TACC2: variants seen among roughly 807,000 people sequenced by gnomAD.
TACC2 encodes transforming acidic coiled-coil containing protein 2, also known as transforming acidic coiled-coil-containing protein 2.
TACC2 carries 137 observed loss-of-function variants against 227.3 expected under a neutral mutation model. The observed-to-expected ratio is 0.60, with a 90% confidence interval of 0.52 to 0.69. The LOEUF (loss-of-function observed/expected upper bound fraction) is 0.69, where lower values mean the gene tolerates loss of function less well. Ranked by LOEUF, TACC2 falls within the 30% of genes least tolerant of loss-of-function variation. The pLI is 0.00. For missense variants in TACC2, 3,470 were observed against 3,694.4 expected (o/e 0.94, Z 1.57); for synonymous variants, 1,523 against 1,487.5 (o/e 1.02, Z -0.55).
chr10:122,086,978 C>G lies in TACC2; in HGVS notation c.4478C>G (p.Ala1493Gly). 3.1e-6 allele frequency: 5 copies of G among 1,613,966 alleles called. No individual in the cohort carries two copies. The highest frequency in any genetic ancestry group is 4.2e-6 in the Non-Finnish European group (5 of 1,180,044). ...EISHLALQDP[A>G]SDKLLGPAGL... Reference sequence around the variant, plus strand: ...TCCCATCTGGCTCTGCAAGATCCAGCTTCAGACAAGCTTCTGGGTCCAGCA... The same window carrying G: ...TCCCATCTGGCTCTGCAAGATCCAGGTTCAGACAAGCTTCTGGGTCCAGCA... Residue 1493 changes from alanine to glycine, a missense_variant, in exon 4 of 23, where the codon GCT (alanine) becomes GGT (glycine). Coordinates refer to ENST00000369005, the MANE Select transcript of TACC2 (RefSeq NM_206862.4).
rs367601425 is a variant in TACC2 at position 122,132,709 on chromosome 10, G to T, written c.5674G>T (p.Val1892Phe). 33 of 1,614,190 alleles carry T rather than the reference G, an allele frequency of 2.0e-5. No homozygotes were observed. Among genetic ancestry groups the T allele is most frequent in the East Asian group, 8.9e-5 (4 of 44,878 alleles). ...CTACCACGGTGATGTTGTTGGCCAG[G>T]TCTCTACGGATCTGATAGCCCAGAG... ...SSYHGDVVGQVSTDLIAQSIS... is the reference protein window; with the variant it reads ...SSYHGDVVGQFSTDLIAQSIS... Residue 1892 changes from valine (V) to phenylalanine (F), a missense_variant, in exon 6 of 23, where the codon GTC becomes TTC. Coordinates refer to ENST00000369005, the MANE Select transcript of TACC2 (RefSeq NM_206862.4).
intron 7 of TACC2, among the ~76,000 whole-genome samples, chr10:122,174,886 A>G (rs1427300362): frequency 6.6e-6 from 1 of 152,192 alleles, no homozygotes; most frequent in Non-Finnish European, 1.5e-5. Flanking sequence ...GGTAAACAGC[A>G]TTCTACTCTC....
chr10:122,097,318 A>G lies in TACC2; in HGVS notation c.5573+8727A>G, dbSNP rs2081557360. Among the ~76,000 whole-genome samples the G allele has an allele frequency of 2.0e-5, 3 of 152,200 alleles. No homozygotes were observed. In the South Asian group the frequency reaches 6.2e-4, roughly 32 times the overall value. On this transcript the variant is annotated intron_variant, in intron 5 of 22. Transcript: ENST00000369005. ...TACTCCTGGGTACAGCCTGGGTGAC[A>G]GAGTGAGGTACTGTCTCAAAGAAAA...
At chr10:122,216,574 G>A in intron 10 of TACC2, 53 bp from the exon 11 acceptor site, 3 of 1,580,098 alleles carry the variant, frequency 1.9e-6, no homozygotes, top group Non-Finnish European at 2.6e-6. Flanking sequence ...GGTGGGCACA[G>A]TTTCTGACCA....
At chr10:122,118,643 TG>T (rs1396426661) in intron 5 of TACC2, among the ~76,000 whole-genome samples, 3 of 152,190 alleles carry the variant, frequency 2.0e-5, no homozygotes, top group Non-Finnish European at 2.9e-5. Context: ...TTTTGCTGCT[TG>T]TGTGGTTTTG....
At chr10:122,066,458 C>T (rs965925203) in intron 3 of TACC2, among the ~76,000 whole-genome samples, 11 of 152,148 alleles carry the variant, frequency 7.2e-5, no homozygotes, top group African/African-American at 2.4e-4. Context: ...TAGTAGAAAA[C>T]GGGTTTTACC....
chr10:122,189,581 T>C (rs2094337879), intron 7 of TACC2, among the ~76,000 whole-genome samples: 1 of 152,214 alleles, frequency 6.6e-6, no homozygotes, highest in African/African-American at 2.4e-5. Context: ...TGAGGAGTGG[T>C]CCCAAGACCC....
chr10:122,044,505 T>C (rs2074736714), intron 2 of TACC2, among the ~76,000 whole-genome samples: 1 of 152,126 alleles, frequency 6.6e-6, no homozygotes, highest in Non-Finnish European at 1.5e-5. Flanking sequence ...TTGGTCTGCT[T>C]CCCAGCATTC....
chr10:122,144,513 C>G (rs534375316), intron 7 of TACC2, among the ~76,000 whole-genome samples: 7 of 152,320 alleles, frequency 4.6e-5, no homozygotes, highest in South Asian at 2.1e-4. Context: ...CGGCAGGCCT[C>G]GGTCCTCAGG....
Position 122,087,123 on chromosome 10 carries a change from G to T in TACC2, c.4623G>T (p.Leu1541=), listed in dbSNP as rs139774351. 1.1e-4 allele frequency: 176 copies of T among 1,609,798 alleles called. 1 individual carries two copies. In the African/African-American group the frequency reaches 2.0e-3, roughly 19 times the overall value. Residue 1541 remains leucine, a synonymous_variant, in exon 4 of 23, where the codon CTG becomes CTT. Coordinates refer to ENST00000369005, the MANE Select transcript of TACC2 (RefSeq NM_206862.4). ...GGCCTGGGGCAGCCTGGCCAGGCCT[G>T]GAAGGCCAGGCTTACTCACAGCTGG... The part of the protein sequence containing the change: ...PEGPGAAWPG[L]EGQAYSQLER...
chr10:122,006,550 A>G (rs961793122), intron 1 of TACC2, among the ~76,000 whole-genome samples: 2 of 152,058 alleles, frequency 1.3e-5, no homozygotes, highest in African/African-American at 4.8e-5. Flanking sequence ...GAGGGCTTTT[A>G]TCTTTTGTCT....
intron 8 of TACC2, among the ~76,000 whole-genome samples, chr10:122,207,437 G>T (rs2095155130): frequency 6.6e-6 from 1 of 152,200 alleles, no homozygotes. Context: ...CCCAACCAGG[G>T]AGGATTTTGC....
At chr10:122,183,703 T>G (rs1350366928) in intron 7 of TACC2, among the ~76,000 whole-genome samples, 1 of 152,138 alleles carries the variant, frequency 6.6e-6, no homozygotes, top group East Asian at 1.9e-4. Flanking sequence ...CCAAACCTAC[T>G]GGAGACTGAT....
intron 5 of TACC2, among the ~76,000 whole-genome samples, chr10:122,088,972 G>A (rs764513874): frequency 6.6e-6 from 1 of 152,118 alleles, no homozygotes; most frequent in Non-Finnish European, 1.5e-5. Flanking sequence ...AAGATTAGCC[G>A]GGCACAGTGG....
intron 1 of TACC2, among the ~76,000 whole-genome samples, chr10:121,998,715 C>T (rs988782886): frequency 6.6e-6 from 1 of 151,994 alleles, no homozygotes; most frequent in Non-Finnish European, 1.5e-5. Context: ...GATCGGGTGC[C>T]AAAGAGTTGG....
intron 11 of TACC2, among the ~76,000 whole-genome samples, chr10:122,219,984 G>C (rs1324416043): frequency 2.0e-5 from 3 of 151,304 alleles, no homozygotes; most frequent in Non-Finnish European, 4.4e-5. Flanking sequence ...GTTGCAATGA[G>C]CCAAGATCAT....
At position 122,108,738 on chromosome 10, in the gene TACC2, GTCT is replaced by G. The variant is rs893409347; in HGVS notation, c.5573+20152_5573+20154del. Among the ~76,000 whole-genome samples the G allele has an allele frequency of 4.3e-5, 6 of 138,710 alleles. No homozygotes were observed. In the Admixed American group the frequency reaches 4.4e-4, roughly 10 times the overall value. 91.0% of individuals were successfully genotyped at this position (138,710 alleles called of 152,430 possible). A position where few individuals can be genotyped will look rare whatever the true frequency, so the allele number is the denominator to read the frequency against. Reference sequence around the variant, plus strand: ...GATTACAGGTGTGAGCCATCGCCCGGTCTTCTTTTTTTCTTTTCTTGAGTCTCG... The same window carrying G: ...GATTACAGGTGTGAGCCATCGCCCGGTCTTTTTTTCTTTTCTTGAGTCTCG... On this transcript the variant is annotated intron_variant, in intron 5 of 22. Coordinates refer to ENST00000369005, the MANE Select transcript of TACC2 (RefSeq NM_206862.4).
At chr10:122,171,837 G>T (rs2093486053) in intron 7 of TACC2, among the ~76,000 whole-genome samples, 1 of 152,220 alleles carries the variant, frequency 6.6e-6, no homozygotes, top group Non-Finnish European at 1.5e-5. Flanking sequence ...GAGCCTCCTT[G>T]GGCCCTTGGC....
intron 19 of TACC2, chr10:122,248,377 A>C: frequency 5.2e-5 from 23 of 440,582 alleles, no homozygotes; most frequent in Non-Finnish European, 5.8e-5. Flanking sequence ...AAGGGGCCGT[A>C]CTGATCAGGT....
Sources: gnomAD v4.1 joint callset for allele counts (sites outside exome capture counted in the v4.1 genomes callset) on GRCh38, gnomAD v4.1.1 for gene constraint, MANE v1.5 for transcripts, NCBI Gene and HGNC (gene_info 2026-07-23, HGNC 2026-07-21) for gene names.